Variants in FRS2 observed in about 807,000 individuals in gnomAD.
FRS2 encodes the protein fibroblast growth factor receptor substrate 2.
FRS2 carries 8 observed loss-of-function variants against 43.9 expected under a neutral mutation model. The observed-to-expected ratio is 0.18, with a 90% CI of 0.11 to 0.33. The LOEUF is 0.33. Among genes scored for constraint, FRS2 ranks in the 10% least tolerant of loss-of-function variants. The probability of loss-of-function intolerance (pLI) is 1.00; values close to 1 mark genes in which losing one functional copy is unlikely to be tolerated. For missense variants in FRS2, 534 were observed against 627.6 expected (o/e 0.85, Z 1.59); for synonymous variants, 219 against 220.3 (o/e 0.99, Z 0.05).
At chr12:69,536,717 T>G (rs1877355827) in intron 3 of FRS2, among the ~76,000 whole-genome samples, 1 of 151,988 alleles carries the variant, frequency 6.6e-6, no homozygotes, top group African/African-American at 2.4e-5. Context: ...ACCACAGGCA[T>G]GCGCTACTGT....
At chr12:69,529,096 T>G (rs1489400003) in intron 1 of FRS2, among the ~76,000 whole-genome samples, 1 of 152,152 alleles carries the variant, frequency 6.6e-6, no homozygotes, top group African/African-American at 2.4e-5. Flanking sequence ...GTTGGAGAAT[T>G]CGATTAGAAG....
At chr12:69,541,627 A>G (rs1302946933) in intron 3 of FRS2, among the ~76,000 whole-genome samples, 7 of 151,948 alleles carry the variant, frequency 4.6e-5, no homozygotes, top group South Asian at 2.1e-4. Context: ...GGAGTTTGAG[A>G]CCAGCCTGGC....
At chr12:69,490,128 G>A (rs559034824) in intron 1 of FRS2, among the ~76,000 whole-genome samples, 12 of 152,136 alleles carry the variant, frequency 7.9e-5, no homozygotes, top group African/African-American at 2.9e-4. Flanking sequence ...TTACCGTTAT[G>A]TATTTTCCCC....
At chr12:69,482,430 A>C (rs1270800102) in intron 1 of FRS2, among the ~76,000 whole-genome samples, 1 of 152,134 alleles carries the variant, frequency 6.6e-6, no homozygotes, top group African/African-American at 2.4e-5. Context: ...TTTTCCCCCT[A>C]ACCCTCTACC....
chr12:69,518,044 C>T (rs1275775264), intron 1 of FRS2, among the ~76,000 whole-genome samples: 1 of 151,988 alleles, frequency 6.6e-6, no homozygotes, highest in Non-Finnish European at 1.5e-5. Flanking sequence ...TTAGGGAGGA[C>T]CACTGAATTC....
At chr12:69,472,326 C>G (rs1307209511) in intron 1 of FRS2, among the ~76,000 whole-genome samples, 1 of 149,926 alleles carries the variant, frequency 6.7e-6, no homozygotes. Context: ...CTCCTGGGCT[C>G]AAGTGATCCT....
At chr12:69,569,940 C>G (rs1389505656) in intron 5 of FRS2, among the ~76,000 whole-genome samples, 2 of 152,140 alleles carry the variant, frequency 1.3e-5, no homozygotes, top group Non-Finnish European at 2.9e-5. Context: ...GTCCCTTTAT[C>G]TCCTGACCCA....
At chr12:69,561,095 A>G (rs1342275442) in intron 3 of FRS2, among the ~76,000 whole-genome samples, 1 of 152,168 alleles carries the variant, frequency 6.6e-6, no homozygotes, top group African/African-American at 2.4e-5. Context: ...ACCTAAAAGA[A>G]GTGGTTTATG....
At chr12:69,566,658 G>A (rs1453101447) in intron 4 of FRS2, among the ~76,000 whole-genome samples, 1 of 152,102 alleles carries the variant, frequency 6.6e-6, no homozygotes, top group South Asian at 2.1e-4. Flanking sequence ...GGTATGCTTA[G>A]TGCCCTGGAA....
chr12:69,534,832 T>G (rs1877123247), intron 3 of FRS2, among the ~76,000 whole-genome samples: 1 of 152,178 alleles, frequency 6.6e-6, no homozygotes, highest in South Asian at 2.1e-4. Context: ...ATGTGTGTGT[T>G]TGGGGTTAAA....
intron 1 of FRS2, among the ~76,000 whole-genome samples, chr12:69,515,376 T>C (rs1195675686): frequency 1.3e-5 from 2 of 152,262 alleles, no homozygotes; most frequent in South Asian, 2.1e-4. Context: ...TAATTTCTTA[T>C]TCTTTTTCTC....
chr12:69,485,629 C>T (rs1871863493), intron 1 of FRS2, among the ~76,000 whole-genome samples: 1 of 152,110 alleles, frequency 6.6e-6, no homozygotes, highest in Non-Finnish European at 1.5e-5. Context: ...ATTACAGGCT[C>T]CCGCTTTCAT....
intron 1 of FRS2, among the ~76,000 whole-genome samples, chr12:69,494,038 CT>C (rs1872681084): frequency 6.6e-6 from 1 of 152,120 alleles, no homozygotes; most frequent in African/African-American, 2.4e-5. Flanking sequence ...TCTTGTTAGG[CT>C]TCTTTTCAGA....
chr12:69,523,641 T>G (rs1875909277), intron 1 of FRS2, among the ~76,000 whole-genome samples: 1 of 152,168 alleles, frequency 6.6e-6, no homozygotes, highest in South Asian at 2.1e-4. Flanking sequence ...TTATGCTGAC[T>G]TTTTTGTGTG....
At chr12:69,493,292 C>G (rs1382247249) in intron 1 of FRS2, among the ~76,000 whole-genome samples, 2 of 152,142 alleles carry the variant, frequency 1.3e-5, no homozygotes, top group African/African-American at 2.4e-5. Context: ...CCTTTTTGGT[C>G]TTATTCTGTC....
intron 1 of FRS2, among the ~76,000 whole-genome samples, chr12:69,505,965 T>C (rs1038927689): frequency 2.6e-5 from 4 of 152,202 alleles, no homozygotes; most frequent in African/African-American, 9.6e-5. Context: ...GTTCAAGAAG[T>C]GTTTCATTAG....
intron 1 of FRS2, among the ~76,000 whole-genome samples, chr12:69,477,979 G>C (rs1022952523): frequency 6.6e-6 from 1 of 151,392 alleles, no homozygotes; most frequent in African/African-American, 2.4e-5. Context: ...CTGACCTTGT[G>C]ATCCGCCCAC....
chr12:69,569,224 C>G (rs1880549552), intron 5 of FRS2, 128 bp downstream of exon 5: 1 of 548,178 alleles, frequency 1.8e-6, no homozygotes, highest in Non-Finnish European at 3.2e-6. Flanking sequence ...TCCACCCTGT[C>G]TTTCTTGATT....
At chr12:69,524,386 A>G (rs1396972833) in intron 1 of FRS2, among the ~76,000 whole-genome samples, 1 of 151,904 alleles carries the variant, frequency 6.6e-6, no homozygotes. Context: ...AAAGCAGCAC[A>G]GGGGAGGGCA....
Sources: allele counts gnomAD v4.1 joint callset (sites outside exome capture counted in the v4.1 genomes callset), GRCh38; gene constraint gnomAD v4.1.1; transcripts MANE v1.5; gene names NCBI Gene and HGNC (gene_info 2026-07-23, HGNC 2026-07-21).